The following PTPRD variants were observed in gnomAD, a reference collection of about 807,000 sequenced individuals.
PTPRD encodes the protein protein tyrosine phosphatase receptor type D, also known as receptor-type tyrosine-protein phosphatase delta.
In PTPRD, 34 loss-of-function variants were observed where a neutral mutation model predicts 214.5. The ratio of observed to expected loss-of-function variants is 0.16; its 90% CI spans 0.12 to 0.21. The LOEUF (loss-of-function observed/expected upper bound fraction) is 0.21, where lower values mean the gene tolerates loss of function less well. Among genes scored for constraint, PTPRD ranks in the 10% least tolerant of loss-of-function variants. The pLI, the probability that PTPRD is intolerant of heterozygous loss-of-function variation, is 1.00. For synonymous variants in PTPRD, 1,128 were observed against 845.7 expected, an observed-to-expected ratio of 1.33 and a Z score of -5.79; for missense variants, 2,545 against 2,398.7, an observed-to-expected ratio of 1.06 and a Z score of -1.27.
intron 6 of PTPRD, among the ~76,000 whole-genome samples, chr9:9,741,114 G>C (rs2098395628): frequency 6.6e-6 from 1 of 152,166 alleles, no homozygotes; most frequent in South Asian, 2.1e-4. Context: ...ATATGAGGAA[G>C]TAGTAGAGGA....
intron 14 of PTPRD, among the ~76,000 whole-genome samples, chr9:8,577,686 C>A (rs140773439): frequency 6.6e-6 from 1 of 152,292 alleles, no homozygotes; most frequent in South Asian, 2.1e-4. Context: ...ATTCTGGAAA[C>A]GACTTTAATA....
intron 10 of PTPRD, among the ~76,000 whole-genome samples, chr9:9,079,973 C>G (rs1214551018): frequency 6.6e-6 from 1 of 151,964 alleles, no homozygotes; most frequent in Non-Finnish European, 1.5e-5. Context: ...GATGAAGCTA[C>G]CAATACAATA....
intron 5 of PTPRD, among the ~76,000 whole-genome samples, chr9:9,878,827 A>G (rs2067695671): frequency 6.6e-6 from 1 of 152,086 alleles, no homozygotes; most frequent in African/African-American, 2.4e-5. Context: ...AATTTCCACA[A>G]CTAAAAAAGA....
intron 10 of PTPRD, among the ~76,000 whole-genome samples, chr9:9,022,443 T>G (rs138666271): frequency 6.6e-5 from 10 of 152,254 alleles, no homozygotes; most frequent in African/African-American, 2.4e-4. Context: ...TGTTTAGTTA[T>G]ATTTAGATAC....
In PTPRD at chr9:9,980,866, T is replaced by TTA. The variant is rs1555426293; in HGVS notation, c.-471-42257_-471-42256insTA. On this transcript the variant is annotated intron_variant, in intron 4 of 45. Coordinates refer to ENST00000381196, the MANE Select transcript of PTPRD (RefSeq NM_002839.4). ...TTTAAATGTTCAAGCTTGTTTGCAATAAAAAATGCTAATTTAACCATGTTA... is the reference window on the plus strand; with the variant it reads ...TTTAAATGTTCAAGCTTGTTTGCAATTAAAAAAATGCTAATTTAACCATGTTA... 1.3e-4 allele frequency among the ~76,000 whole-genome samples: 20 copies of TTA among 151,646 alleles called. No individual in the cohort carries two copies. In the Middle Eastern group the frequency reaches 0.024, roughly 181 times the overall value.
At chr9:8,851,338 GCTCT>G (rs891307071) in intron 11 of PTPRD, among the ~76,000 whole-genome samples, 4 of 152,054 alleles carry the variant, frequency 2.6e-5, no homozygotes, top group African/African-American at 9.7e-5. Context: ...AGAGAGAAAC[GCTCT>G]CTTTGTGCAT....
chr9:10,205,431 A>C (rs963229770), intron 3 of PTPRD, among the ~76,000 whole-genome samples: 2 of 151,208 alleles, frequency 1.3e-5, no homozygotes, highest in Non-Finnish European at 2.9e-5. Flanking sequence ...CCTGAGACAG[A>C]GTCTTACTCT....
chr9:9,744,207 C>A (rs550963483), intron 6 of PTPRD, among the ~76,000 whole-genome samples: 1 of 152,032 alleles, frequency 6.6e-6, no homozygotes, highest in Admixed American at 6.6e-5. Flanking sequence ...AACGATATAT[C>A]GTCAAGGAGA....
chr9:8,518,861 CAA>C (rs111277552), intron 20 of PTPRD, among the ~76,000 whole-genome samples: 17,478 of 151,958 alleles, frequency 0.12, 1,105 homozygotes, highest in East Asian at 0.26. Flanking sequence ...CTGGAACCCA[CAA>C]AAAAACCTTA....
chr9:10,071,799 CAG>C (rs920242959), intron 3 of PTPRD, among the ~76,000 whole-genome samples: 22 of 151,710 alleles, frequency 1.5e-4, no homozygotes, highest in African/African-American at 5.1e-4. Context: ...GGAAAAAAAA[CAG>C]AGATAATCAA....
intron 3 of PTPRD, among the ~76,000 whole-genome samples, chr9:10,305,452 G>A (rs1034436147): frequency 6.7e-6 from 1 of 149,408 alleles, no homozygotes; most frequent in Non-Finnish European, 1.5e-5. Flanking sequence ...CTTCTGCACA[G>A]CAAAAGAAAC....
intron 2 of PTPRD, among the ~76,000 whole-genome samples, chr9:10,467,524 G>A (rs992679270): frequency 6.6e-6 from 1 of 152,050 alleles, no homozygotes; most frequent in African/African-American, 2.4e-5. Flanking sequence ...CTGCATCAAG[G>A]GGAAACTGCA....
At chr9:10,533,049 T>A (rs1437519326) in intron 2 of PTPRD, among the ~76,000 whole-genome samples, 2 of 152,020 alleles carry the variant, frequency 1.3e-5, no homozygotes, top group Non-Finnish European at 2.9e-5. Context: ...ATAGGGTGAG[T>A]TCTCCTGGGA....
intron 3 of PTPRD, among the ~76,000 whole-genome samples, chr9:10,241,925 G>A (rs1298063808): frequency 2.0e-5 from 3 of 151,782 alleles, no homozygotes; most frequent in South Asian, 2.1e-4. Flanking sequence ...AATAACTAAC[G>A]GCACATAAAA....
chr9:9,810,880 C>T (rs1050131488), intron 5 of PTPRD, among the ~76,000 whole-genome samples: 3 of 151,450 alleles, frequency 2.0e-5, no homozygotes, highest in Non-Finnish European at 4.4e-5. Flanking sequence ...GGAAAGGATT[C>T]AGCATTCTAG....
chr9:8,549,346 CT>C (rs1002456233), intron 14 of PTPRD, among the ~76,000 whole-genome samples: 1 of 151,968 alleles, frequency 6.6e-6, no homozygotes, highest in Admixed American at 6.6e-5. Flanking sequence ...GATGATGTCA[CT>C]AATATAAAAG....
At chr9:8,936,987 G>A (rs1433549) in intron 11 of PTPRD, among the ~76,000 whole-genome samples, 105,342 of 151,996 alleles carry the variant, frequency 0.69, 36,820 homozygotes, top group East Asian at 0.9. Flanking sequence ...ATTTGTTTTT[G>A]GTAACAAGTA....
intron 3 of PTPRD, among the ~76,000 whole-genome samples, chr9:10,136,025 A>C (rs535792359): frequency 1.3e-5 from 2 of 151,914 alleles, no homozygotes; most frequent in South Asian, 4.1e-4. Flanking sequence ...GGCTGAAAGA[A>C]AAGAAATGGA....
intron 3 of PTPRD, among the ~76,000 whole-genome samples, chr9:10,039,757 T>G (rs2097261857): frequency 6.6e-6 from 1 of 151,974 alleles, no homozygotes; most frequent in Non-Finnish European, 1.5e-5. Context: ...CCCTTCTGAT[T>G]GAGATATATT....
Sources: allele counts gnomAD v4.1 joint callset (sites outside exome capture counted in the v4.1 genomes callset), GRCh38; gene constraint gnomAD v4.1.1; transcripts MANE v1.5; gene names NCBI Gene and HGNC (gene_info 2026-07-23, HGNC 2026-07-21).